Variants in MDGA2 observed in about 807,000 individuals in gnomAD.
MDGA2 encodes the protein MAM domain-containing glycosylphosphatidylinositol anchor protein 2.
Under a neutral mutation model 117.8 loss-of-function variants are expected in MDGA2, and 40 were observed. The ratio of observed to expected loss-of-function variants is 0.34; its 90% CI spans 0.26 to 0.44. MDGA2 has a LOEUF of 0.44. Among genes scored for constraint, MDGA2 ranks in the 20% least tolerant of loss-of-function variants. MDGA2 has a pLI of 1.00. For synonymous variants in MDGA2, 452 were observed against 439.0 expected (o/e 1.03, Z -0.37); for missense variants, 1,123 against 1,250.6 (o/e 0.90, Z 1.54).
At chr14:47,156,057 T>C (rs1883374293) in intron 3 of MDGA2, among the ~76,000 whole-genome samples, 1 of 151,556 alleles carries the variant, frequency 6.6e-6, no homozygotes, top group South Asian at 2.1e-4. Flanking sequence ...TACAGGTGCG[T>C]GCCACTACCC....
chr14:46,863,023 T>A (rs1881574529), intron 14 of MDGA2, among the ~76,000 whole-genome samples: 1 of 152,078 alleles, frequency 6.6e-6, no homozygotes, highest in South Asian at 2.1e-4. Context: ...CCTTTCTATT[T>A]CTCTGATGTA....
At chr14:47,242,212 A>C (rs1477921466) in intron 2 of MDGA2, among the ~76,000 whole-genome samples, 4 of 151,930 alleles carry the variant, frequency 2.6e-5, no homozygotes, top group Admixed American at 2.0e-4. Context: ...TAGTTATTCA[A>C]TGGTTTGATA....
rs977955155 is a variant in MDGA2 at position 47,597,202 on chromosome 14, A to G, written c.280+77315T>C. Reference sequence around the variant, plus strand: ...ATCTTCTGGGTAATCGGTTTAAAAAATCTAAGAGAATCATTAAAATAAATT... The same window carrying G: ...ATCTTCTGGGTAATCGGTTTAAAAAGTCTAAGAGAATCATTAAAATAAATT... On this transcript the variant is annotated intron_variant, in intron 1 of 16. Coordinates refer to ENST00000399232, the MANE Select transcript of MDGA2 (RefSeq NM_001113498.3). Among the ~76,000 whole-genome samples, 4 of 152,182 alleles carry G rather than the reference A, an allele frequency of 2.6e-5. No homozygotes were observed. The East Asian group carries it at 7.7e-4, about 29-fold the overall frequency.
At chr14:47,370,977 T>C (rs1223196199) in intron 1 of MDGA2, among the ~76,000 whole-genome samples, 1 of 151,878 alleles carries the variant, frequency 6.6e-6, no homozygotes, top group African/African-American at 2.4e-5. Context: ...CTACACCTAG[T>C]TGATAGCACA....
intron 1 of MDGA2, among the ~76,000 whole-genome samples, chr14:47,609,456 T>TATATATATATATATATAG (rs1434045282): frequency 3.6e-5 from 4 of 110,152 alleles, no homozygotes; most frequent in Non-Finnish European, 5.7e-5. Context: ...TATATATATA[T>TATATATATATATATATAG]ATATATATAA....
At chr14:47,553,191 C>A (rs182126596) in intron 1 of MDGA2, among the ~76,000 whole-genome samples, 1 of 152,282 alleles carries the variant, frequency 6.6e-6, no homozygotes, top group African/African-American at 2.4e-5. Context: ...TATTTATTGG[C>A]TTCTATTATC....
intron 1 of MDGA2, among the ~76,000 whole-genome samples, chr14:47,400,757 T>A (rs1387552510): frequency 7.4e-5 from 1 of 13,544 alleles, no homozygotes; most frequent in Non-Finnish European, 1.9e-4. Flanking sequence ...TCTTTTCTTT[T>A]CTTTTTTTTT....
intron 1 of MDGA2, among the ~76,000 whole-genome samples, chr14:47,530,401 T>C (rs549883372): frequency 1.3e-5 from 2 of 152,334 alleles, no homozygotes; most frequent in African/African-American, 2.4e-5. Flanking sequence ...TCATAGGTTA[T>C]GGAAAGTCTG....
intron 5 of MDGA2, among the ~76,000 whole-genome samples, chr14:47,115,143 A>G (rs1881258608): frequency 6.6e-6 from 1 of 152,066 alleles, no homozygotes; most frequent in South Asian, 2.1e-4. Context: ...AATTACATAT[A>G]AATTCATACT....
chr14:46,930,777 A>G (rs1884538918), intron 9 of MDGA2, among the ~76,000 whole-genome samples: 1 of 152,174 alleles, frequency 6.6e-6, no homozygotes, highest in Non-Finnish European at 1.5e-5. Context: ...TCACCCTTTC[A>G]ATAGTTAATT....
At chr14:46,859,844 TGTA>T (rs1418710930) in intron 14 of MDGA2, among the ~76,000 whole-genome samples, 3 of 151,954 alleles carry the variant, frequency 2.0e-5, no homozygotes, top group Admixed American at 1.3e-4. Flanking sequence ...TTACATATAA[TGTA>T]GTATATAAAC....
intron 2 of MDGA2, among the ~76,000 whole-genome samples, chr14:47,248,945 C>G (rs71418151): frequency 7.2e-6 from 1 of 138,878 alleles, no homozygotes; most frequent in Non-Finnish European, 1.6e-5. Context: ...CTCCCTTCCT[C>G]CCTCCCTCCC....
chr14:47,104,342 T>C (rs1207344572), intron 5 of MDGA2, among the ~76,000 whole-genome samples: 1 of 150,482 alleles, frequency 6.6e-6, no homozygotes, highest in Non-Finnish European at 1.5e-5. Context: ...ACAAAAGAAG[T>C]GTAAATGGCC....
At chr14:47,225,598 TGGGAA>T (rs982909959) in intron 2 of MDGA2, among the ~76,000 whole-genome samples, 12 of 145,682 alleles carry the variant, frequency 8.2e-5, no homozygotes, top group African/African-American at 3.1e-4. Context: ...CACTCATAGG[TGGGAA>T]TTGAACAATG....
At chr14:46,901,452 G>A (rs1169030695) in intron 10 of MDGA2, among the ~76,000 whole-genome samples, 1 of 152,138 alleles carries the variant, frequency 6.6e-6, no homozygotes, top group African/African-American at 2.4e-5. Context: ...TAGCATCTGT[G>A]CATACAAAAG....
rs141516688 is a variant in MDGA2 at position 47,349,760 on chromosome 14, G to A, written c.281-48210C>T. ...ATCGATACTAGAGTCAGTCCTTTCT[G>A]TTCTTCTCTGAGCTGCAAATTAACT... On this transcript the variant is annotated intron_variant, in intron 1 of 16. Coordinates refer to ENST00000399232, the MANE Select transcript of MDGA2 (RefSeq NM_001113498.3). Among the ~76,000 whole-genome samples the A allele has an allele frequency of 1.9e-3, 283 of 152,294 alleles. 3 individuals carry two copies. Among genetic ancestry groups the A allele is most frequent in the African/African-American group, 6.7e-3 (278 of 41,570 alleles).
intron 1 of MDGA2, among the ~76,000 whole-genome samples, chr14:47,383,987 A>AGAT (rs1566763411): frequency 9.0e-6 from 1 of 110,984 alleles, no homozygotes; most frequent in East Asian, 3.5e-4. Flanking sequence ...GATAGATGAT[A>AGAT]GATAGATAGA....
intron 2 of MDGA2, among the ~76,000 whole-genome samples, chr14:47,236,012 A>G (rs1019372292): frequency 3.9e-5 from 6 of 152,088 alleles, no homozygotes; most frequent in African/African-American, 1.2e-4. Flanking sequence ...AATGTGTTAC[A>G]AGCAAAAAAC....
intron 1 of MDGA2, among the ~76,000 whole-genome samples, chr14:47,473,110 T>G (rs1566474590): frequency 6.6e-6 from 1 of 152,116 alleles, no homozygotes; most frequent in Admixed American, 6.6e-5. Context: ...AGGTGTGCCA[T>G]GAGTTTATGA....
Sources: gnomAD v4.1 joint callset for allele counts (sites outside exome capture counted in the v4.1 genomes callset) on GRCh38, gnomAD v4.1.1 for gene constraint, MANE v1.5 for transcripts, NCBI Gene and HGNC (gene_info 2026-07-23, HGNC 2026-07-21) for gene names.